AGAP1: variants seen among roughly 807,000 people sequenced by gnomAD.
The protein encoded by AGAP1 is arf-GAP with GTPase, ANK repeat and PH domain-containing protein 1.
A neutral mutation model predicts 105.3 loss-of-function variants in AGAP1; 29 were observed. The observed-to-expected ratio is 0.28, with a 90% confidence interval of 0.21 to 0.38. The LOEUF (loss-of-function observed/expected upper bound fraction) is 0.38, where lower values mean the gene tolerates loss of function less well. AGAP1 is among the 10% of genes least tolerant of loss of function. The pLI, the probability that AGAP1 is intolerant of heterozygous loss-of-function variation, is 1.00. For synonymous variants in AGAP1, 509 were observed against 485.9 expected (o/e 1.05, Z -0.63); for missense variants, 998 against 1,165.1 (o/e 0.86, Z 2.09).
intron 1 of AGAP1, among the ~76,000 whole-genome samples, chr2:235,560,884 C>A (rs1054916512): frequency 5.9e-5 from 9 of 152,204 alleles, no homozygotes; most frequent in Non-Finnish European, 1.3e-4. Flanking sequence ...GTGTTGCCTT[C>A]TCCACTAGGC....
At chr2:235,722,653 T>A (rs572737164) in intron 3 of AGAP1, among the ~76,000 whole-genome samples, 2 of 152,192 alleles carry the variant, frequency 1.3e-5, no homozygotes, top group Non-Finnish European at 2.9e-5. Flanking sequence ...ACATCATCTT[T>A]ACTTGATCCC....
chr2:235,791,526 A>T (rs186089211), intron 6 of AGAP1, among the ~76,000 whole-genome samples: 47 of 152,214 alleles, frequency 3.1e-4, no homozygotes, highest in Admixed American at 1.0e-3. Flanking sequence ...ATAAACAATA[A>T]GATGGCACGT....
At chr2:235,571,112 T>TA (rs1425166166) in intron 1 of AGAP1, among the ~76,000 whole-genome samples, 1 of 152,084 alleles carries the variant, frequency 6.6e-6, no homozygotes, top group Non-Finnish European at 1.5e-5. Context: ...CACACACTTG[T>TA]AAACAACCAA....
At chr2:235,510,440 C>T (rs1942023138) in intron 1 of AGAP1, among the ~76,000 whole-genome samples, 1 of 152,094 alleles carries the variant, frequency 6.6e-6, no homozygotes, top group South Asian at 2.1e-4. Context: ...GTGTTTTTAT[C>T]CTGTGGATGG....
Position 235,725,369 on chromosome 2 carries a change from AGT to A in AGAP1, c.310+7730_310+7731del, listed in dbSNP as rs1178147130. Among the ~76,000 whole-genome samples the A allele has an allele frequency of 1.3e-5, 2 of 152,304 alleles. No homozygotes were observed. The highest frequency in any genetic ancestry group is 2.1e-4 in the South Asian group (1 of 4,822). On this transcript the variant is annotated intron_variant, in intron 3 of 17. Coordinates refer to ENST00000304032, the MANE Select transcript of AGAP1 (RefSeq NM_001037131.3). This position sits in a 1 kb window ranked among gnomAD's most constrained non-coding sequence, Gnocchi z 5.7. ...CAGTCTTATTTTCTGGGACACATGA[AGT>A]GTGTTTAAGCTGTCAGCTCCAAAAA...
intron 1 of AGAP1, among the ~76,000 whole-genome samples, chr2:235,702,658 G>A (rs767350527): frequency 1.3e-4 from 20 of 152,076 alleles, no homozygotes; most frequent in African/African-American, 2.9e-4. Context: ...TTTCATACAC[G>A]TTTATGTGCT....
At chr2:235,661,710 G>A (rs939283301) in intron 1 of AGAP1, among the ~76,000 whole-genome samples, 24 of 152,274 alleles carry the variant, frequency 1.6e-4, no homozygotes, top group African/African-American at 5.3e-4. Context: ...TCTGTAGACC[G>A]TGCTTGGAGA....
intron 1 of AGAP1, among the ~76,000 whole-genome samples, chr2:235,704,945 T>C (rs1173459645): frequency 1.4e-5 from 2 of 147,124 alleles, no homozygotes; most frequent in South Asian, 2.2e-4. Flanking sequence ...CCAACGTCGA[T>C]TGTAAAATAC....
In AGAP1 at chr2:235,789,036, A is replaced by G. The variant is rs986915467; in HGVS notation, c.674-8723A>G. 1.3e-5 allele frequency among the ~76,000 whole-genome samples: 2 copies of G among 152,278 alleles called. No individual in the cohort carries two copies. Among genetic ancestry groups the G allele is most frequent in the African/African-American group, 4.8e-5 (2 of 41,570 alleles). On this transcript the variant is annotated intron_variant, in intron 6 of 17. Coordinates refer to ENST00000304032, the MANE Select transcript of AGAP1 (RefSeq NM_001037131.3). The surrounding 1 kb of genome is among the most constrained non-coding windows in gnomAD (Gnocchi z 4.2). ...CGACTTTGGGATTAAATGTTAAGGAACTATTGTGCTTTGAAGGAGTGCATG... is the reference window on the plus strand; with the variant it reads ...CGACTTTGGGATTAAATGTTAAGGAGCTATTGTGCTTTGAAGGAGTGCATG...
rs1953510910 is a variant in AGAP1, at chr2:235,752,281, A to T, written c.673+1793A>T. On this transcript the variant is annotated intron_variant, in intron 6 of 17. Coordinates refer to ENST00000304032, the MANE Select transcript of AGAP1 (RefSeq NM_001037131.3). The surrounding 1 kb of genome is among the most constrained non-coding windows in gnomAD (Gnocchi z 4.3). ...CAACCTCTGCCTCCCAGGTTCAGGCAAATCTTGTGCCTCAGCCTCCCCAGT... is the reference window on the plus strand; with the variant it reads ...CAACCTCTGCCTCCCAGGTTCAGGCTAATCTTGTGCCTCAGCCTCCCCAGT... 1.3e-5 allele frequency among the ~76,000 whole-genome samples: 2 copies of T among 152,144 alleles called. No homozygotes were observed. Among genetic ancestry groups the T allele is most frequent in the Non-Finnish European group, 2.9e-5 (2 of 68,012 alleles).
rs886091290 is a variant in AGAP1, at chr2:236,002,107, C to T, written c.1645+33484C>T. On this transcript the variant is annotated intron_variant, in intron 13 of 17. Coordinates refer to ENST00000304032, the MANE Select transcript of AGAP1 (RefSeq NM_001037131.3). The surrounding 1 kb of genome is among the most constrained non-coding windows in gnomAD (Gnocchi z 4.3). Reference sequence around the variant, plus strand: ...GGGTGAGAACAGAGAGTTTCTCAAGCGACATGCCAGGAAGAGCTGGCTTCC... The same window carrying T: ...GGGTGAGAACAGAGAGTTTCTCAAGTGACATGCCAGGAAGAGCTGGCTTCC... Among the ~76,000 whole-genome samples the T allele has an allele frequency of 5.3e-5, 8 of 152,274 alleles. No homozygotes were observed. In the South Asian group the frequency reaches 1.0e-3, roughly 20 times the overall value.
intron 1 of AGAP1, among the ~76,000 whole-genome samples, chr2:235,604,889 A>AT (rs1232449270): frequency 2.6e-4 from 32 of 123,390 alleles, no homozygotes; most frequent in African/African-American, 2.8e-4. Context: ...GCCTATTACC[A>AT]TTTTTTTTTG....
intron 5 of AGAP1, among the ~76,000 whole-genome samples, chr2:235,746,324 T>A (rs1952931341): frequency 6.9e-6 from 1 of 144,768 alleles, no homozygotes. Context: ...ATCTTTTCAG[T>A]GTGCTAGATG....
In AGAP1 at chr2:235,608,828, G is replaced by T. The variant is rs370038408; in HGVS notation, c.164-100351G>T. Reference sequence around the variant, plus strand: ...AGAGGCCTGGGAGATCAGGGGACAAGGGTGAAATTCGAATAGATTGTACGA... The same window carrying T: ...AGAGGCCTGGGAGATCAGGGGACAATGGTGAAATTCGAATAGATTGTACGA... On this transcript the variant is annotated intron_variant, in intron 1 of 17. Coordinates refer to ENST00000304032, the MANE Select transcript of AGAP1 (RefSeq NM_001037131.3). This position sits in a 1 kb window ranked among gnomAD's most constrained non-coding sequence, Gnocchi z 5.4. Among the ~76,000 whole-genome samples the T allele has an allele frequency of 1.3e-5, 2 of 152,182 alleles. No individual in the cohort carries two copies. Among genetic ancestry groups the T allele is most frequent in the Admixed American group, 1.3e-4 (2 of 15,278 alleles).
Position 236,027,975 on chromosome 2 carries a change from T to C in AGAP1, c.1646-8586T>C, listed in dbSNP as rs1049509466. Among the ~76,000 whole-genome samples the C allele has an allele frequency of 1.3e-5, 2 of 152,172 alleles. No homozygotes were observed. Among genetic ancestry groups the C allele is most frequent in the Non-Finnish European group, 2.9e-5 (2 of 68,034 alleles). On this transcript the variant is annotated intron_variant, in intron 13 of 17. Coordinates refer to ENST00000304032, the MANE Select transcript of AGAP1 (RefSeq NM_001037131.3). The surrounding 1 kb of genome is among the most constrained non-coding windows in gnomAD (Gnocchi z 4.4). ...GGATTGCGATTCGTGTCTTTATTTC[T>C]TCATTATTTGTATAGTCCTGTGCTT... is the stretch of plus-strand genomic sequence containing the variant.
In AGAP1 at chr2:235,535,382, C is replaced by T. The variant is rs1943178189; in HGVS notation, c.163+40533C>T. Among the ~76,000 whole-genome samples, 1 of 152,100 alleles carries T rather than the reference C, an allele frequency of 6.6e-6. No individual in the cohort carries two copies. The highest frequency in any genetic ancestry group is 6.5e-5 in the Admixed American group (1 of 15,268). Reference sequence around the variant, plus strand: ...TTGAAGAGGGTGTGAGGTCGCGGCGCCTGACCCTCATTATGTCAGTTACTA... The same window carrying T: ...TTGAAGAGGGTGTGAGGTCGCGGCGTCTGACCCTCATTATGTCAGTTACTA... On this transcript the variant is annotated intron_variant, in intron 1 of 17. Transcript: ENST00000304032. This position sits in a 1 kb window ranked among gnomAD's most constrained non-coding sequence, Gnocchi z 5.1.
Position 235,906,385 on chromosome 2 carries a change from G to A in AGAP1, c.1156-2353G>A, listed in dbSNP as rs1216209313. 6.6e-6 allele frequency among the ~76,000 whole-genome samples: 1 copy of A among 152,178 alleles called. No homozygotes were observed. The highest frequency in any genetic ancestry group is 1.5e-5 in the Non-Finnish European group (1 of 68,034). On this transcript the variant is annotated intron_variant, in intron 10 of 17. Coordinates refer to ENST00000304032, the MANE Select transcript of AGAP1 (RefSeq NM_001037131.3). The surrounding 1 kb of genome is among the most constrained non-coding windows in gnomAD (Gnocchi z 5.3). ...TCTTCCTCCTGGTTCTGACCCTGGT[G>A]TTTTGAGCTTTCTGTCTGCACCAAG... is the stretch of plus-strand genomic sequence containing the variant.
Position 235,599,191 on chromosome 2 carries a change from G to C in AGAP1, c.163+104342G>C, listed in dbSNP as rs1945644937. 6.6e-6 allele frequency among the ~76,000 whole-genome samples: 1 copy of C among 152,156 alleles called. No individual in the cohort carries two copies. The highest frequency in any genetic ancestry group is 6.5e-5 in the Admixed American group (1 of 15,278). On this transcript the variant is annotated intron_variant, in intron 1 of 17. Transcript: ENST00000304032. This position sits in a 1 kb window ranked among gnomAD's most constrained non-coding sequence, Gnocchi z 5.3. ...CTAGCTGCTTGTAGAAGACACCCCAGGGTACGCAGCCAGTCCCTTCCACGA... is the reference window on the plus strand; with the variant it reads ...CTAGCTGCTTGTAGAAGACACCCCACGGTACGCAGCCAGTCCCTTCCACGA...
intron 9 of AGAP1, among the ~76,000 whole-genome samples, chr2:235,880,869 G>A (rs2049987731): frequency 6.6e-6 from 1 of 152,184 alleles, no homozygotes; most frequent in Non-Finnish European, 1.5e-5. Flanking sequence ...CCGCATCGCT[G>A]ATGGTGACTG....
Sources: gnomAD v4.1 joint callset for allele counts (sites outside exome capture counted in the v4.1 genomes callset) on GRCh38, gnomAD v4.1.1 for gene constraint, Gnocchi (gnomAD v3.1) non-coding constraint, MANE v1.5 for transcripts, NCBI Gene and HGNC (gene_info 2026-07-23, HGNC 2026-07-21) for gene names.